COL14A1: variants seen among roughly 807,000 people sequenced by gnomAD.
The protein encoded by COL14A1 is collagen type XIV alpha 1 chain.
COL14A1 carries 136 observed loss-of-function variants against 230.3 expected under a neutral mutation model. That is an observed-to-expected ratio of 0.59 (90% CI 0.51 to 0.68). The LOEUF (loss-of-function observed/expected upper bound fraction) is 0.68. COL14A1 is among the 30% of genes least tolerant of loss of function. The pLI, the probability that COL14A1 is intolerant of heterozygous loss-of-function variation, is 0.00. For synonymous variants in COL14A1, 792 were observed against 784.1 expected (o/e 1.01, Z -0.17); for missense variants, 1,976 against 2,215.8 (o/e 0.89, Z 2.17).
In COL14A1 at chr8:120,300,816, C is replaced by T. The variant is rs767339120; in HGVS notation, c.4399C>T (p.Pro1467Ser). 6.2e-7 allele frequency: 1 copy of T among 1,611,840 alleles called. No individual in the cohort carries two copies. The highest frequency in any genetic ancestry group is 1.1e-5 in the South Asian group (1 of 90,900). ...NEVALGPAGP[P>S]GGPGLRGPKG... Reference sequence around the variant, plus strand: ...AGTGGCTCTGGGACCAGCGGGCCCACCAGTAAGTCTTGCTGAGTTCAGCCT... The same window carrying T: ...AGTGGCTCTGGGACCAGCGGGCCCATCAGTAAGTCTTGCTGAGTTCAGCCT... The change falls in exon 36 of 48, where the codon CCA (proline) becomes TCA (serine). Residue 1467 changes from proline (P) to serine (S), a missense_variant and splice_region_variant. Physicochemically the swap from Pro to Ser is moderately conservative, Grantham distance 74 (BLOSUM62 -1). This residue lies in a region of COL14A1 where 1,791 missense variants were observed against 2,019.5 expected (regional missense o/e 0.89). Transcript: ENST00000297848.
intron 45 of COL14A1, among the ~76,000 whole-genome samples, chr8:120,360,083 G>A (rs949984278): frequency 6.6e-6 from 1 of 152,196 alleles, no homozygotes; most frequent in Non-Finnish European, 1.5e-5. Context: ...GCTCTGGTTA[G>A]TGGATTCCTT....
Position 120,371,491 on chromosome 8 carries a change from CA to C in COL14A1, c.*261del. 2.5e-6 allele frequency: 1 copy of C among 395,952 alleles called. No homozygotes were observed. The highest frequency in any genetic ancestry group is 4.4e-6 in the Non-Finnish European group (1 of 225,050). 24.5% of individuals were successfully genotyped at this position (395,952 alleles called of 1,614,324 possible). A position where few individuals can be genotyped will look rare whatever the true frequency, so the allele number is the denominator to read the frequency against. On this transcript the variant is annotated 3_prime_UTR_variant, in exon 48 of 48. Transcript: ENST00000297848. ...TGGCATGTCAGATAATTTGTTTTTC[CA>C]GAGAAGAGAGCTCAAAGAGGAATTG...
rs1817155845 is a variant in COL14A1 at position 120,199,487 on chromosome 8, C to T, written c.798C>T (p.Ile266=). The change falls in exon 8 of 48, where the codon ATC becomes ATT. Residue 266 remains isoleucine, a synonymous_variant. Coordinates refer to ENST00000297848, the MANE Select transcript of COL14A1 (RefSeq NM_021110.4). ...GAGTATCCAAAATTGGCATTTTAAT[C>T]ACAGATGGAAAATCCCAAGATGACA... ...RTGVSKIGIL[I]TDGKSQDDII... is the part of the protein sequence containing the mutation. 6 of 1,612,644 alleles carry T rather than the reference C, an allele frequency of 3.7e-6. No individual in the cohort carries two copies. In the South Asian group the frequency reaches 4.4e-5, roughly 12 times the overall value.
chr8:120,332,799 A>G, intron 42 of COL14A1, 64 bp downstream of exon 42: 2 of 1,301,978 alleles, frequency 1.5e-6, no homozygotes, highest in South Asian at 2.6e-5. Context: ...TATGTGTTTA[A>G]ATTTACCAGC....
At chr8:120,357,795 C>T (rs1388450521) in intron 45 of COL14A1, among the ~76,000 whole-genome samples, 1 of 152,130 alleles carries the variant, frequency 6.6e-6, no homozygotes. Context: ...CTCCTGTATT[C>T]TTTTAAATCA....
At chr8:120,321,600 A>C (rs1049176586) in intron 40 of COL14A1, among the ~76,000 whole-genome samples, 1 of 151,360 alleles carries the variant, frequency 6.6e-6, no homozygotes, top group East Asian at 2.0e-4. Flanking sequence ...CCGAGATCGC[A>C]CCACTGCACT....
Position 120,271,665 on chromosome 8 carries a change from T to C in COL14A1, c.3213+1491T>C, listed in dbSNP as rs75448739. On this transcript the variant is annotated intron_variant, in intron 26 of 47. Transcript: ENST00000297848. ...AAGTACAGAGGACCCAAGGTGAGAA[T>C]GAGTTTTGAAACTTCATACACCAAA... 1.0e-2 allele frequency among the ~76,000 whole-genome samples: 1,516 copies of C among 151,728 alleles called. 10 individuals are homozygous for C. Among genetic ancestry groups the C allele is most frequent in the Non-Finnish European group, 0.015 (1,043 of 67,766 alleles).
rs545782948 is a variant in COL14A1 at position 120,328,455 on chromosome 8, C to T, written c.4660-3686C>T. On this transcript the variant is annotated intron_variant, in intron 40 of 47. Coordinates refer to ENST00000297848, the MANE Select transcript of COL14A1 (RefSeq NM_021110.4). ...TTATGTTGCCCAGGCTAGTCTTGAACTCCTGGGCTCAAGCGATCCTTTTGC... is the reference window on the plus strand; with the variant it reads ...TTATGTTGCCCAGGCTAGTCTTGAATTCCTGGGCTCAAGCGATCCTTTTGC... Among the ~76,000 whole-genome samples, 272 of 150,976 alleles carry T rather than the reference C, an allele frequency of 1.8e-3. 1 individual carries two copies. The highest frequency in any genetic ancestry group is 6.3e-3 in the African/African-American group (258 of 41,040).
chr8:120,211,091 A>G (rs1817604479), intron 12 of COL14A1, among the ~76,000 whole-genome samples: 1 of 152,176 alleles, frequency 6.6e-6, no homozygotes, highest in African/African-American at 2.4e-5. Context: ...TGGCGGGCAT[A>G]TAGATTGGTA....
chr8:120,360,834 C>T lies in COL14A1; in HGVS notation c.5078-6337C>T, dbSNP rs547456754. Among the ~76,000 whole-genome samples, 5 of 152,266 alleles carry T rather than the reference C, an allele frequency of 3.3e-5. No homozygotes were observed. The South Asian group carries it at 6.2e-4, about 19-fold the overall frequency. ...GTTCGCCTTCTCCAGGCTTTAGCTT[C>T]GTGGTGCTAGGTGTCCAGACCCCTT... On this transcript the variant is annotated intron_variant, in intron 45 of 47. Transcript: ENST00000297848.
intron 14 of COL14A1, among the ~76,000 whole-genome samples, chr8:120,222,856 A>T (rs1324164100): frequency 1.3e-5 from 2 of 152,222 alleles, no homozygotes; most frequent in African/African-American, 4.8e-5. Flanking sequence ...CAGGAGATAG[A>T]CAATAAACAT....
At chr8:120,366,301 T>G (rs1823403994) in intron 45 of COL14A1, among the ~76,000 whole-genome samples, 3 of 152,246 alleles carry the variant, frequency 2.0e-5, no homozygotes, top group Admixed American at 2.0e-4. Context: ...TGTTTCCTTC[T>G]AGGCTTTGCC....
Position 120,231,713 on chromosome 8 carries a change from T to C in COL14A1, c.2349+95T>C, listed in dbSNP as rs189346244. Reference sequence around the variant, plus strand: ...AGATCAATGCAAACTTTACTGCTCTTTTCTCAGTGACTCTGCCATCTCCAG... The same window carrying C: ...AGATCAATGCAAACTTTACTGCTCTCTTCTCAGTGACTCTGCCATCTCCAG... On this transcript the variant is annotated intron_variant, in intron 19 of 47. Coordinates refer to ENST00000297848, the MANE Select transcript of COL14A1 (RefSeq NM_021110.4). The C allele has an allele frequency of 2.3e-3, 2,926 of 1,278,156 alleles. 8 individuals are homozygous for C. The highest frequency in any genetic ancestry group is 2.8e-3 in the Non-Finnish European group (2,592 of 933,126). The allele number at this position is 1,278,156 out of a possible 1,614,324, so 79.2% of individuals were successfully genotyped here.
chr8:120,359,777 C>T (rs1823125336), intron 45 of COL14A1, among the ~76,000 whole-genome samples: 1 of 152,076 alleles, frequency 6.6e-6, no homozygotes, highest in Non-Finnish European at 1.5e-5. Flanking sequence ...GATTTAATGC[C>T]TATTTTCTCC....
intron 5 of COL14A1, among the ~76,000 whole-genome samples, chr8:120,185,798 G>T (rs1048638986): frequency 6.6e-6 from 1 of 152,088 alleles, no homozygotes; most frequent in African/African-American, 2.4e-5. Flanking sequence ...TTGAGATGGA[G>T]TTTTGCTCTT....
chr8:120,249,693 A>G (rs1006473830), intron 21 of COL14A1, among the ~76,000 whole-genome samples: 1 of 152,202 alleles, frequency 6.6e-6, no homozygotes, highest in African/African-American at 2.4e-5. Context: ...GCTACAATGG[A>G]CAGTACTCCT....
intron 40 of COL14A1, among the ~76,000 whole-genome samples, chr8:120,325,471 TCTG>T (rs749545777): frequency 4.6e-5 from 5 of 109,748 alleles, no homozygotes; most frequent in African/African-American, 6.7e-5. Context: ...AATTAAGTGT[TCTG>T]CTGTTTGTTT....
intron 3 of COL14A1, among the ~76,000 whole-genome samples, chr8:120,158,620 C>T (rs577823494): frequency 6.6e-6 from 1 of 152,190 alleles, no homozygotes; most frequent in South Asian, 2.1e-4. Flanking sequence ...CAGCATTATA[C>T]ATTGAAATTA....
intron 33 of COL14A1, among the ~76,000 whole-genome samples, chr8:120,287,612 G>T (rs1336694144): frequency 6.6e-6 from 1 of 152,022 alleles, no homozygotes; most frequent in African/African-American, 2.4e-5. Context: ...AAGAAGTGAG[G>T]TTCATTAAAA....
Sources: gnomAD v4.1 joint callset for allele counts (sites outside exome capture counted in the v4.1 genomes callset) on GRCh38, gnomAD v4.1.1 for gene constraint, gnomAD v4.1.1 regional missense constraint, MANE v1.5 for transcripts, NCBI Gene and HGNC (gene_info 2026-07-23, HGNC 2026-07-21) for gene names.